DDX42: variants seen among roughly 807,000 people sequenced by gnomAD.
The protein encoded by DDX42 is DEAD-box helicase 42.
In DDX42, 22 loss-of-function variants were observed where a neutral mutation model predicts 101.5. That is an observed-to-expected ratio of 0.22 (90% CI 0.15 to 0.31). DDX42 has a LOEUF of 0.31. Among genes scored for constraint, DDX42 ranks in the 10% least tolerant of loss-of-function variants. DDX42 has a pLI of 1.00. For synonymous variants in DDX42, 402 were observed against 401.2 expected, an observed-to-expected ratio of 1.00 and a Z score of -0.02; for missense variants, 849 against 1,199.9, an observed-to-expected ratio of 0.71 and a Z score of 4.32.
chr17:63,814,071 C>G (rs374387694), intron 15 of DDX42, among the ~76,000 whole-genome samples: 1 of 152,272 alleles, frequency 6.6e-6, no homozygotes, highest in East Asian at 1.9e-4. Context: ...AACTCCTGAC[C>G]TCAGGTGATC....
At chr17:63,780,681 T>C (rs1245774460) in intron 1 of DDX42, among the ~76,000 whole-genome samples, 1 of 152,186 alleles carries the variant, frequency 6.6e-6, no homozygotes, top group Non-Finnish European at 1.5e-5. Context: ...AGGATCGCTT[T>C]TCCAACTTGC....
rs748672585 is a variant in DDX42 at position 63,818,084 on chromosome 17, G to A, written c.2503G>A (p.Gly835Arg). 21 of 1,613,982 alleles carry A rather than the reference G, an allele frequency of 1.3e-5. No homozygotes were observed. Among genetic ancestry groups the A allele is most frequent in the African/African-American group, 2.7e-5 (2 of 75,028 alleles). The change falls in exon 18 of 18, where the codon GGA becomes AGA. Residue 835 changes from glycine (G) to arginine (R), a missense_variant. This residue lies in a region of DDX42 where 300 missense variants were observed against 304.9 expected (regional missense o/e 0.98). Coordinates refer to ENST00000389924, the MANE Select transcript of DDX42 (RefSeq NM_203499.3). ...GNRHSDSPRH[G>R]DGGRHGDGYR... ...TCGGCATAGCGATAGTCCACGTCAC[G>A]GAGATGGTGGTCGCCATGGAGATGG... is the stretch of plus-strand genomic sequence containing the variant.
chr17:63,785,399 G>A (rs1321208296), intron 1 of DDX42, among the ~76,000 whole-genome samples: 14 of 151,842 alleles, frequency 9.2e-5, no homozygotes, highest in Non-Finnish European at 1.8e-4. Context: ...GCAGCAAGCC[G>A]AGATTGGGCC....
chr17:63,774,861 CACAA>C (rs1568256087), intron 1 of DDX42: 1 of 152,236 alleles, frequency 6.6e-6, no homozygotes, highest in African/African-American at 2.4e-5. Flanking sequence ...ACTGTAGTCA[CACAA>C]ACTTTTTTGC....
intron 13 of DDX42, chr17:63,811,443 T>C (rs749274122): frequency 5.2e-6 from 2 of 382,738 alleles, no homozygotes; most frequent in Non-Finnish European, 9.4e-6. Context: ...AACTTACAAT[T>C]GTTTTAAAAA....
chr17:63,782,641 A>G (rs1168640409), intron 1 of DDX42, among the ~76,000 whole-genome samples: 2 of 152,194 alleles, frequency 1.3e-5, no homozygotes, highest in African/African-American at 4.8e-5. Context: ...TCAGATATCT[A>G]AATAAATAAC....
chr17:63,813,268 C>T lies in DDX42; in HGVS notation c.1716C>T (p.Asn572=), dbSNP rs1042111517. 6.2e-7 allele frequency: 1 copy of T among 1,613,758 alleles called. No individual in the cohort carries two copies. The highest frequency in any genetic ancestry group is 1.3e-5 in the African/African-American group (1 of 75,036). ...LDIPSIKTVI[N]YDVARDIDTH... ...TTCCTTCAATTAAGACTGTCATTAACTATGATGTGGCACGAGACATTGATA... is the reference window on the plus strand; with the variant it reads ...TTCCTTCAATTAAGACTGTCATTAATTATGATGTGGCACGAGACATTGATA... Residue 572 remains asparagine, a synonymous_variant, in exon 15 of 18, where the codon AAC becomes AAT. Transcript: ENST00000389924.
intron 1 of DDX42, among the ~76,000 whole-genome samples, chr17:63,778,114 T>G (rs1001164550): frequency 1.1e-4 from 17 of 152,322 alleles, no homozygotes; most frequent in Non-Finnish European, 2.9e-5. Context: ...TGACCTCCCT[T>G]CTGTGAGACT....
chr17:63,802,367 T>C (rs868089726), intron 6 of DDX42, among the ~76,000 whole-genome samples: 10 of 152,234 alleles, frequency 6.6e-5, no homozygotes, highest in African/African-American at 2.4e-4. Flanking sequence ...TGTGTTTGAG[T>C]TGTAAGGTGA....
intron 13 of DDX42, 81 bp from the exon 14 acceptor site, chr17:63,811,851 T>C: frequency 1.4e-6 from 2 of 1,391,832 alleles, no homozygotes; most frequent in Admixed American, 1.9e-5. Flanking sequence ...TCGATGCAGG[T>C]AGAAATATAA....
At chr17:63,814,144 C>G (rs966485257) in intron 15 of DDX42, among the ~76,000 whole-genome samples, 1 of 152,188 alleles carries the variant, frequency 6.6e-6, no homozygotes, top group Non-Finnish European at 1.5e-5. Context: ...CCGTGCCCAG[C>G]CTGTATGGTG....
chr17:63,786,304 A>C (rs1163952123), intron 1 of DDX42, among the ~76,000 whole-genome samples: 4 of 152,076 alleles, frequency 2.6e-5, no homozygotes, highest in Non-Finnish European at 5.9e-5. Context: ...GTGGCTATTC[A>C]CAGGCAGGAT....
chr17:63,806,941 C>T (rs1028394610), intron 8 of DDX42, among the ~76,000 whole-genome samples: 4 of 152,134 alleles, frequency 2.6e-5, no homozygotes, highest in Non-Finnish European at 2.9e-5. Context: ...AGAATTCCTT[C>T]GTTCGTCACT....
chr17:63,783,602 A>T (rs1193563494), intron 1 of DDX42, among the ~76,000 whole-genome samples: 1 of 152,192 alleles, frequency 6.6e-6, no homozygotes, highest in Non-Finnish European at 1.5e-5. Flanking sequence ...GAATCCCCTT[A>T]TGGGATTCCG....
At position 63,805,101 on chromosome 17, in the gene DDX42, T is replaced by C. The variant is rs1440728130; in HGVS notation, c.652T>C (p.Tyr218His). ...IDYPPFEKNF[Y>H]NEHEEITNLT... ...CTATCCACCATTTGAAAAAAACTTT[T>C]ACAATGAGCATGAAGAGATAACCAA... Residue 218 changes from tyrosine to histidine, a missense_variant, in exon 7 of 18, where the codon TAC becomes CAC. Physicochemically the swap from Tyr to His is moderately conservative, Grantham distance 83. Around this residue, in one of 5 missense-constraint regions of DDX42, gnomAD observed 370 missense variants for 608.8 expected, o/e 0.61. Transcript: ENST00000389924. The C allele has an allele frequency of 1.9e-6, 3 of 1,611,442 alleles. No homozygotes were observed. Among genetic ancestry groups the C allele is most frequent in the Admixed American group, 1.7e-5 (1 of 59,292 alleles).
In DDX42 at chr17:63,787,218, C is replaced by A. The variant is rs1233776628; in HGVS notation, c.169C>A (p.Pro57Thr). ...TGGAAAGTCAGCTCCACCACAGCTT[C>A]CTTCTTTCTACAAAATTGGATCTAA... is the stretch of plus-strand genomic sequence containing the variant. ...GFGKSAPPQL[P>T]SFYKIGSKRA... The change falls in exon 2 of 18, where the codon CCT (proline) becomes ACT (threonine). Residue 57 changes from proline to threonine, a missense_variant. Coordinates refer to ENST00000389924, the MANE Select transcript of DDX42 (RefSeq NM_203499.3). 1 of 1,614,190 alleles carries A rather than the reference C, an allele frequency of 6.2e-7. No individual in the cohort carries two copies. Among genetic ancestry groups the A allele is most frequent in the South Asian group, 1.1e-5 (1 of 91,088 alleles).
chr17:63,809,695 C>T (rs1475383216), intron 11 of DDX42, 36 bp downstream of exon 11: 1 of 1,528,198 alleles, frequency 6.5e-7, no homozygotes. Context: ...TGTCCCCATC[C>T]TCATGATACT....
chr17:63,810,594 G>A (rs1305061519), intron 12 of DDX42, 34 bp downstream of exon 12: 1 of 1,599,658 alleles, frequency 6.3e-7, no homozygotes, highest in Non-Finnish European at 8.6e-7. Context: ...AACCAAATTT[G>A]TACTAAAAAG....
intron 12 of DDX42, 145 bp downstream of exon 12, chr17:63,810,705 G>C: frequency 2.6e-6 from 2 of 772,438 alleles, no homozygotes; most frequent in Admixed American, 2.4e-5. Flanking sequence ...GTTTATCTGA[G>C]CTGGACAGGA....
Sources: gnomAD v4.1 joint callset for allele counts (sites outside exome capture counted in the v4.1 genomes callset) on GRCh38, gnomAD v4.1.1 for gene constraint, gnomAD v4.1.1 regional missense constraint, MANE v1.5 for transcripts, NCBI Gene and HGNC (gene_info 2026-07-23, HGNC 2026-07-21) for gene names.